The following HIP1 variants were observed in gnomAD, a reference collection of about 807,000 sequenced individuals.
The protein encoded by HIP1 is huntingtin interacting protein 1.
In HIP1, 65 loss-of-function variants were observed where a neutral mutation model predicts 147.6. The ratio of observed to expected loss-of-function variants is 0.44; its 90% CI spans 0.36 to 0.54. The LOEUF (loss-of-function observed/expected upper bound fraction) is 0.54, where lower values mean the gene tolerates loss of function less well. Ranked by LOEUF, HIP1 falls within the 20% of genes least tolerant of loss-of-function variation. The pLI is 0.00. For missense variants in HIP1, 1,061 were observed against 1,299.6 expected, an observed-to-expected ratio of 0.82 and a Z score of 2.82; for synonymous variants, 479 against 504.0, an observed-to-expected ratio of 0.95 and a Z score of 0.67.
intron 1 of HIP1, among the ~76,000 whole-genome samples, chr7:75,738,374 C>T (rs556412396): frequency 5.8e-4 from 89 of 152,190 alleles, no homozygotes; most frequent in Middle Eastern, 3.4e-3. Flanking sequence ...GAAGAGAGGT[C>T]CCCTCACCCT....
chr7:75,653,851 G>T (rs62475499), intron 1 of HIP1, among the ~76,000 whole-genome samples: 14,306 of 152,150 alleles, frequency 0.094, 806 homozygotes, highest in South Asian at 0.13. Context: ...CCCGAGCTGT[G>T]CCTGGCATGG....
In HIP1 at chr7:75,568,397, G is replaced by A. The variant is rs1795490434; in HGVS notation, c.746-141C>T. On this transcript the variant is annotated intron_variant, in intron 8 of 30. Coordinates refer to ENST00000336926, the MANE Select transcript of HIP1 (RefSeq NM_005338.7). This position sits in a 1 kb window ranked among gnomAD's most constrained non-coding sequence, Gnocchi z 4.1. ...CAGGGGCCACGACTGGCCTAGAGCT[G>A]TCCCGAGGTCTGGTAACCAAGGGAG... is the stretch of plus-strand genomic sequence containing the variant. The A allele has an allele frequency of 1.5e-6, 1 of 669,996 alleles. No individual in the cohort carries two copies. Among genetic ancestry groups the A allele is most frequent in the Non-Finnish European group, 2.7e-6 (1 of 365,192 alleles). 41.5% of individuals were successfully genotyped at this position (669,996 alleles called of 1,614,324 possible).
chr7:75,643,577 T>C (rs782723212), intron 1 of HIP1, among the ~76,000 whole-genome samples: 96 of 152,198 alleles, frequency 6.3e-4, no homozygotes, highest in Admixed American at 1.7e-3. Flanking sequence ...GGATGAGACC[T>C]GGGAAGGGCA....
intron 27 of HIP1, 42 bp from the exon 28 acceptor site, chr7:75,543,016 G>A: frequency 6.3e-7 from 1 of 1,583,894 alleles, no homozygotes; most frequent in Non-Finnish European, 8.6e-7. Flanking sequence ...AACACCTAGA[G>A]CAACAAGGAC....
intron 22 of HIP1, among the ~76,000 whole-genome samples, chr7:75,551,183 A>C (rs587650491): frequency 3.0e-4 from 27 of 89,228 alleles, no homozygotes; most frequent in African/African-American, 1.7e-3. Context: ...AAAGATGTAG[A>C]TGATAATTTT....
intron 30 of HIP1, 93 bp downstream of exon 30, chr7:75,539,230 G>T: frequency 1.2e-6 from 1 of 836,976 alleles, no homozygotes; most frequent in Non-Finnish European, 2.0e-6. Context: ...GATCTGGTGG[G>T]TTCCTTGTTC....
At chr7:75,662,750 TC>T (rs1799359300) in intron 1 of HIP1, among the ~76,000 whole-genome samples, 1 of 151,812 alleles carries the variant, frequency 6.6e-6, no homozygotes, top group Non-Finnish European at 1.5e-5. Flanking sequence ...AAATGATCCA[TC>T]CTCCTCAGCC....
At chr7:75,680,432 C>A (rs782241592) in intron 1 of HIP1, among the ~76,000 whole-genome samples, 8 of 152,100 alleles carry the variant, frequency 5.3e-5, no homozygotes, top group Non-Finnish European at 1.2e-4. Context: ...CCAATCCCTG[C>A]CAACCCATTC....
chr7:75,542,713 A>G (rs906270494), intron 28 of HIP1, 138 bp downstream of exon 28: 7 of 889,424 alleles, frequency 7.9e-6, no homozygotes, highest in Non-Finnish European at 9.9e-6. Flanking sequence ...ACAGAAATAA[A>G]GAAAAAATAA....
chr7:75,556,987 T>G (rs1310812440), intron 16 of HIP1, among the ~76,000 whole-genome samples, 176 bp from the exon 17 acceptor site: 2 of 152,008 alleles, frequency 1.3e-5, no homozygotes, highest in Non-Finnish European at 2.9e-5. Context: ...CAGAGTGTAC[T>G]GAAAATGTGG....
intron 1 of HIP1, among the ~76,000 whole-genome samples, chr7:75,600,291 A>G (rs781931672): frequency 2.0e-5 from 3 of 151,984 alleles, no homozygotes; most frequent in African/African-American, 7.2e-5. Context: ...TTGTATTTTT[A>G]GTACAGACGG....
rs782311311 is a variant in HIP1 at position 75,556,831 on chromosome 7, G to A, written c.1582-20C>T. The A allele has an allele frequency of 1.4e-6, 2 of 1,420,250 alleles. No homozygotes were observed. Among genetic ancestry groups the A allele is most frequent in the South Asian group, 2.3e-5 (2 of 86,674 alleles). 88.0% of individuals were successfully genotyped at this position (1,420,250 alleles called of 1,614,324 possible). A position where few individuals can be genotyped will look rare whatever the true frequency, so the allele number is the denominator to read the frequency against. ...TTGAGTCTGAAAGAGAAGAAAAACA[G>A]AGGGACTCTGATCTGGGTGACAGTG... is the stretch of plus-strand genomic sequence containing the variant. On this transcript the variant is annotated intron_variant, in intron 16 of 30. Transcript: ENST00000336926.
chr7:75,564,103 G>A (rs1554495084), intron 9 of HIP1, among the ~76,000 whole-genome samples: 1 of 152,086 alleles, frequency 6.6e-6, no homozygotes, highest in African/African-American at 2.4e-5. Flanking sequence ...TGTTGCCCAG[G>A]CTGGTCTCAA....
chr7:75,724,205 G>A (rs1180368772), intron 1 of HIP1, among the ~76,000 whole-genome samples: 1 of 149,618 alleles, frequency 6.7e-6, no homozygotes, highest in Admixed American at 6.7e-5. Flanking sequence ...GATCCGCCTT[G>A]GCCTCCCAAA....
At chr7:75,561,632 C>CT (rs1419326390) in intron 12 of HIP1, among the ~76,000 whole-genome samples, 22 of 152,042 alleles carry the variant, frequency 1.4e-4, no homozygotes, top group African/African-American at 5.3e-4. Flanking sequence ...CAAGACATTC[C>CT]TTTTTTGTGT....
Position 75,563,352 on chromosome 7 carries a change from T to G in HIP1, c.804-89A>C. ...GCAGCCACCTGGCTTTCCTGCCCCCTCCCCAGCCCAAAGGCACAGGCTGTC... is the reference window on the plus strand; with the variant it reads ...GCAGCCACCTGGCTTTCCTGCCCCCGCCCCAGCCCAAAGGCACAGGCTGTC... On this transcript the variant is annotated intron_variant, in intron 9 of 30. Transcript: ENST00000336926. 4 of 1,134,138 alleles carry G rather than the reference T, an allele frequency of 3.5e-6. No homozygotes were observed. The South Asian group carries it at 5.1e-5, about 14-fold the overall frequency. The allele number at this position is 1,134,138 out of a possible 1,614,324, so 70.3% of individuals were successfully genotyped here.
At position 75,586,754 on chromosome 7, in the gene HIP1, T is replaced by C; in HGVS notation, c.464A>G (p.Lys155Arg). 1.9e-6 allele frequency: 3 copies of C among 1,605,668 alleles called. No homozygotes were observed. Among genetic ancestry groups the C allele is most frequent in the Non-Finnish European group, 2.6e-6 (3 of 1,172,536 alleles). Residue 155 changes from lysine to arginine, a missense_variant and splice_region_variant, in exon 5 of 31, where the codon AAA becomes AGA. Physicochemically the swap from Lys to Arg is conservative, Grantham distance 26. Coordinates refer to ENST00000336926, the MANE Select transcript of HIP1 (RefSeq NM_005338.7). Reference protein sequence around the residue: ...LLRTKMEYHTKNPRFPGNLQM... With the variant: ...LLRTKMEYHTRNPRFPGNLQM... The stretch of plus-strand genomic sequence containing the variant: ...GCAGAACTGTCCGCAGAGACTCACT[T>C]TGGTGTGGTACTCCATCTTGGTTCT...
chr7:75,587,019 C>A, intron 4 of HIP1, among the ~76,000 whole-genome samples, 186 bp from the exon 5 acceptor site: 1 of 152,162 alleles, frequency 6.6e-6, no homozygotes. Flanking sequence ...CGGCTCACTG[C>A]AGCCTCCACC....
At chr7:75,609,706 C>T (rs781904434) in intron 1 of HIP1, among the ~76,000 whole-genome samples, 5 of 151,776 alleles carry the variant, frequency 3.3e-5, no homozygotes, top group Admixed American at 6.6e-5. Flanking sequence ...TACAGGTGTG[C>T]GCCACCATGC....
Sources: allele counts gnomAD v4.1 joint callset (sites outside exome capture counted in the v4.1 genomes callset), GRCh38; gene constraint gnomAD v4.1.1; non-coding constraint Gnocchi (gnomAD v3.1); transcripts MANE v1.5; gene names NCBI Gene and HGNC (gene_info 2026-07-23, HGNC 2026-07-21).